Variants in WWOX observed in about 807,000 individuals in gnomAD.
The protein encoded by WWOX is WW domain containing oxidoreductase.
WWOX carries 69 observed loss-of-function variants against 46.2 expected under a neutral mutation model. That is an observed-to-expected ratio of 1.49 (90% CI 1.23 to 1.82). The LOEUF is 1.82. Ranked by LOEUF, WWOX falls within the 40% of genes most tolerant of loss-of-function variation. The pLI is 0.00. For missense variants in WWOX, 919 were observed against 542.6 expected (o/e 1.69, Z -6.89); for synonymous variants, 359 against 202.6 (o/e 1.77, Z -6.56).
intron 4 of WWOX, among the ~76,000 whole-genome samples, chr16:78,125,858 C>T (rs1339406664): frequency 6.6e-6 from 1 of 151,964 alleles, no homozygotes; most frequent in African/African-American, 2.4e-5. Flanking sequence ...GCTTGATGTG[C>T]CTTCTCATTT....
intron 8 of WWOX, among the ~76,000 whole-genome samples, chr16:78,737,244 C>A (rs866765924): frequency 2.6e-5 from 4 of 151,450 alleles, no homozygotes; most frequent in African/African-American, 9.7e-5. Context: ...GAATTACAAG[C>A]GCCCGCCACC....
intron 8 of WWOX, among the ~76,000 whole-genome samples, chr16:79,030,382 C>G (rs998559613): frequency 2.0e-5 from 3 of 152,228 alleles, no homozygotes; most frequent in Admixed American, 2.0e-4. Context: ...GCTTTCAAGA[C>G]TACCCAGCAC....
intron 8 of WWOX, among the ~76,000 whole-genome samples, chr16:78,762,395 C>T (rs1040348625): frequency 6.6e-6 from 1 of 152,202 alleles, no homozygotes; most frequent in Admixed American, 6.5e-5. Context: ...CTCTTGGTGA[C>T]TCGTGTGTAC....
intron 8 of WWOX, among the ~76,000 whole-genome samples, chr16:78,641,566 C>A (rs2046711674): frequency 6.6e-6 from 1 of 152,044 alleles, no homozygotes; most frequent in Non-Finnish European, 1.5e-5. Context: ...TTCTGCTGGC[C>A]CTAAATAGGT....
At chr16:78,365,324 G>C (rs1188701676) in intron 5 of WWOX, among the ~76,000 whole-genome samples, 2 of 152,124 alleles carry the variant, frequency 1.3e-5, no homozygotes, top group East Asian at 3.9e-4. Flanking sequence ...TGTTGGTTAT[G>C]TTTTTGTTTT....
chr16:78,735,725 A>T (rs8046392), intron 8 of WWOX, among the ~76,000 whole-genome samples: 1 of 152,026 alleles, frequency 6.6e-6, no homozygotes, highest in Non-Finnish European at 1.5e-5. Context: ...TTCTATGTCA[A>T]TGATGGTACC....
intron 4 of WWOX, chr16:78,123,468 G>GT (rs1368575694): frequency 1.9e-5 from 1 of 51,834 alleles, no homozygotes; most frequent in Non-Finnish European, 3.5e-5. Context: ...TTTTTTTTTT[G>GT]TTTTTTTGAG....
intron 8 of WWOX, among the ~76,000 whole-genome samples, chr16:78,597,137 T>A (rs1024612919): frequency 4.6e-5 from 7 of 152,292 alleles, no homozygotes; most frequent in African/African-American, 1.7e-4. Context: ...TTGCTTTGTT[T>A]ATTTTAGCCG....
At chr16:78,334,994 A>AG (rs879699633) in intron 5 of WWOX, among the ~76,000 whole-genome samples, 18 of 151,838 alleles carry the variant, frequency 1.2e-4, no homozygotes, top group Non-Finnish European at 2.4e-4. Flanking sequence ...CAGAGACCAG[A>AG]GGTTCCCCAA....
intron 5 of WWOX, among the ~76,000 whole-genome samples, chr16:78,277,201 A>G (rs1471324662): frequency 6.6e-6 from 1 of 152,198 alleles, no homozygotes; most frequent in Non-Finnish European, 1.5e-5. Context: ...AGGGGAGGAA[A>G]AAAAGGGGGA....
Position 78,768,277 on chromosome 16 carries a change from G to C in WWOX, c.1056+335525G>C, listed in dbSNP as rs936251375. Among the ~76,000 whole-genome samples the C allele has an allele frequency of 5.2e-5, 2 of 38,208 alleles. 1 individual carries two copies. The highest frequency in any genetic ancestry group is 5.2e-4 in the Admixed American group (2 of 3,842). The allele number at this position is 38,208 out of a possible 152,430, so 25.1% of individuals were successfully genotyped here. On this transcript the variant is annotated intron_variant, in intron 8 of 8. Coordinates refer to ENST00000566780, the MANE Select transcript of WWOX (RefSeq NM_016373.4). ...AAGCAAGCCAAAAAGTGATAGATGA[G>C]TTAAAAAAAAAAAAAAAAAAAAAGT...
intron 8 of WWOX, among the ~76,000 whole-genome samples, chr16:79,044,745 A>C (rs965596450): frequency 6.6e-6 from 1 of 152,196 alleles, no homozygotes; most frequent in African/African-American, 2.4e-5. Context: ...GAGGGGACTG[A>C]TGTTGAAGAA....
chr16:78,725,039 TC>T (rs533561439), intron 8 of WWOX, among the ~76,000 whole-genome samples: 32 of 152,214 alleles, frequency 2.1e-4, no homozygotes, highest in Admixed American at 5.9e-4. Context: ...CTCCCATAAT[TC>T]CCATATGTTG....
intron 5 of WWOX, among the ~76,000 whole-genome samples, chr16:78,285,074 G>A (rs1471142864): frequency 6.6e-6 from 1 of 152,114 alleles, no homozygotes; most frequent in Non-Finnish European, 1.5e-5. Flanking sequence ...TCTGAAAAGG[G>A]GCAAAGTGCA....
chr16:78,633,223 C>T (rs1033608389), intron 8 of WWOX, among the ~76,000 whole-genome samples: 1 of 152,194 alleles, frequency 6.6e-6, no homozygotes, highest in Non-Finnish European at 1.5e-5. Flanking sequence ...GATCGTGCCA[C>T]TGCGCTCCAT....
intron 5 of WWOX, among the ~76,000 whole-genome samples, chr16:78,370,178 TG>T (rs2081638821): frequency 6.8e-6 from 1 of 146,696 alleles, no homozygotes; most frequent in Non-Finnish European, 1.5e-5. Flanking sequence ...CCAGACAATC[TG>T]GGTGCATATC....
chr16:78,213,336 T>C (rs538042469), intron 5 of WWOX, among the ~76,000 whole-genome samples: 1 of 151,312 alleles, frequency 6.6e-6, no homozygotes, highest in Non-Finnish European at 1.5e-5. Context: ...CTTTCCCTAA[T>C]ATAAGGGAGC....
intron 8 of WWOX, among the ~76,000 whole-genome samples, chr16:79,138,028 G>C (rs1193123609): frequency 1.3e-5 from 2 of 152,190 alleles, no homozygotes; most frequent in Non-Finnish European, 2.9e-5. Context: ...TACCCAAACT[G>C]TTTCCATGGA....
At chr16:78,564,773 G>A (rs191313467) in intron 8 of WWOX, among the ~76,000 whole-genome samples, 18 of 152,056 alleles carry the variant, frequency 1.2e-4, no homozygotes, top group African/African-American at 3.4e-4. Context: ...TTCCTTATTT[G>A]TTTAAAAATT....
Sources: allele counts gnomAD v4.1 joint callset (sites outside exome capture counted in the v4.1 genomes callset), GRCh38; gene constraint gnomAD v4.1.1; transcripts MANE v1.5; gene names NCBI Gene and HGNC (gene_info 2026-07-23, HGNC 2026-07-21).